DIAPH2: variants seen among roughly 807,000 people sequenced by gnomAD.
DIAPH2 encodes protein diaphanous homolog 2.
DIAPH2 carries 35 observed loss-of-function variants against 92.7 expected under a neutral mutation model. The observed-to-expected ratio is 0.38, with a 90% CI of 0.29 to 0.50. DIAPH2 has a LOEUF of 0.50. Among genes scored for constraint, DIAPH2 ranks in the 20% least tolerant of loss-of-function variants. The pLI, the probability that DIAPH2 is intolerant of heterozygous loss-of-function variation, is 0.94. For synonymous variants in DIAPH2, 301 were observed against 280.4 expected, an observed-to-expected ratio of 1.07 and a Z score of -0.73; for missense variants, 701 against 819.5, an observed-to-expected ratio of 0.86 and a Z score of 1.77.
At position 97,600,042 on chromosome X, in the gene DIAPH2, T is replaced by C. The variant is rs948610337; in HGVS notation, c.*725T>C. Reference sequence around the variant, plus strand: ...TTAGGGAAAGTGATTTAAACTTTATTTAAAGAGGTATTTTCTAATTATGCA... The same window carrying C: ...TTAGGGAAAGTGATTTAAACTTTATCTAAAGAGGTATTTTCTAATTATGCA... On this transcript the variant is annotated 3_prime_UTR_variant, in exon 27 of 27. Transcript: ENST00000324765. The C allele has an allele frequency of 7.1e-5, 8 of 112,771 alleles. No homozygotes were observed. Among genetic ancestry groups the C allele is most frequent in the African/African-American group, 2.6e-4 (8 of 31,057 alleles). The allele number at this position is 112,771 out of a possible 1,213,427, so 9.3% of individuals were successfully genotyped here.
intron 16 of DIAPH2, among the ~76,000 whole-genome samples, chrX:96,963,960 C>A (rs996209765): frequency 9.1e-6 from 1 of 110,306 alleles, no homozygotes; most frequent in Non-Finnish European, 1.9e-5. Context: ...TATTGATATA[C>A]CTTAATTTTT....
At chrX:96,772,170 GAACA>G (rs955901933) in intron 4 of DIAPH2, among the ~76,000 whole-genome samples, 1 of 112,159 alleles carries the variant, frequency 8.9e-6, no homozygotes, top group African/African-American at 3.2e-5. Context: ...CTGTTTGGTT[GAACA>G]AACATTAGTT....
At chrX:97,442,764 C>T (rs2070272402) in intron 26 of DIAPH2, 2 of 112,156 alleles carry the variant, frequency 1.8e-5, no homozygotes. Flanking sequence ...GAACCTTACT[C>T]CTGGTAGTTC....
intron 25 of DIAPH2, among the ~76,000 whole-genome samples, chrX:97,403,593 G>A (rs1363798724): frequency 8.9e-6 from 1 of 111,999 alleles, no homozygotes; most frequent in Non-Finnish European, 1.9e-5. Flanking sequence ...TATAAGTAAT[G>A]TAATAGGACT....
At chrX:97,420,435 T>C (rs757435612) in intron 25 of DIAPH2, among the ~76,000 whole-genome samples, 7 of 111,713 alleles carry the variant, frequency 6.3e-5, no homozygotes, top group Non-Finnish European at 9.4e-5. Flanking sequence ...TAATACAGTA[T>C]TTATTCCATG....
At chrX:97,190,720 G>A (rs1184014252) in intron 22 of DIAPH2, among the ~76,000 whole-genome samples, 1 of 108,898 alleles carries the variant, frequency 9.2e-6, no homozygotes. Context: ...GGTGTCAGGC[G>A]CCTGTAATCC....
intron 4 of DIAPH2, among the ~76,000 whole-genome samples, chrX:96,780,466 A>G (rs1363230240): frequency 9.0e-6 from 1 of 111,016 alleles, no homozygotes; most frequent in Admixed American, 9.6e-5. Context: ...TCAGGGTTTT[A>G]TTTTTTTATT....
chrX:97,549,844 CT>C (rs1293469545), intron 26 of DIAPH2, among the ~76,000 whole-genome samples: 6 of 111,860 alleles, frequency 5.4e-5, no homozygotes, highest in African/African-American at 1.6e-4. Flanking sequence ...GATAATTTAC[CT>C]GTACTCTTTA....
chrX:97,498,184 T>C (rs952554924), intron 26 of DIAPH2, among the ~76,000 whole-genome samples: 2 of 111,776 alleles, frequency 1.8e-5, no homozygotes, highest in Non-Finnish European at 3.8e-5. Flanking sequence ...AGCTACTGCA[T>C]TTTTATTTTT....
intron 4 of DIAPH2, among the ~76,000 whole-genome samples, chrX:96,776,037 G>C (rs971688414): frequency 9.0e-6 from 1 of 111,272 alleles, no homozygotes; most frequent in African/African-American, 3.3e-5. Flanking sequence ...TATAAACTTT[G>C]TAAAAGCTGA....
chrX:96,827,220 G>T (rs1415283234), intron 4 of DIAPH2, among the ~76,000 whole-genome samples: 1 of 111,858 alleles, frequency 8.9e-6, no homozygotes, highest in Non-Finnish European at 1.9e-5. Context: ...GTTGAGCCTA[G>T]ATTAGATCAT....
At chrX:97,553,551 T>C (rs1263610833) in intron 26 of DIAPH2, among the ~76,000 whole-genome samples, 2 of 110,392 alleles carry the variant, frequency 1.8e-5, no homozygotes, top group Non-Finnish European at 1.9e-5. Context: ...GAGGGAAAAG[T>C]ATTCAAGTCC....
Position 97,601,103 on chromosome X carries a change from A to AAAG in DIAPH2, c.*1787_*1789dup, listed in dbSNP as rs1298660169. ...GTAACACTGTTTTTTAACAACAACA[A>AAAG]AAGTTTAGGTTCTAATTTATGTAAA... On this transcript the variant is annotated 3_prime_UTR_variant, in exon 27 of 27. Coordinates refer to ENST00000324765, the MANE Select transcript of DIAPH2 (RefSeq NM_006729.5). 2 of 112,552 alleles carry AAAG rather than the reference A, an allele frequency of 1.8e-5. No individual in the cohort carries two copies. Among genetic ancestry groups the AAAG allele is most frequent in the South Asian group, 3.7e-4 (1 of 2,727 alleles). 9.3% of individuals were successfully genotyped at this position (112,552 alleles called of 1,213,427 possible).
At chrX:96,996,003 C>T (rs12012044) in intron 17 of DIAPH2, among the ~76,000 whole-genome samples, 3 of 110,753 alleles carry the variant, frequency 2.7e-5, no homozygotes, top group African/African-American at 9.8e-5. Context: ...TATTTACACC[C>T]TAGATTTCTA....
intron 23 of DIAPH2, among the ~76,000 whole-genome samples, chrX:97,312,602 G>A (rs987123675): frequency 6.3e-5 from 7 of 110,989 alleles, no homozygotes; most frequent in African/African-American, 1.3e-4. Flanking sequence ...TGCCGCCTCA[G>A]CCCTCCAAAG....
At chrX:96,969,306 A>G (rs746913483) in intron 17 of DIAPH2, among the ~76,000 whole-genome samples, 7 of 111,430 alleles carry the variant, frequency 6.3e-5, no homozygotes, top group Admixed American at 2.9e-4. Flanking sequence ...TTGAATCTGT[A>G]AATTGCTTTG....
intron 26 of DIAPH2, among the ~76,000 whole-genome samples, chrX:97,530,913 T>C (rs1280172321): frequency 1.8e-5 from 2 of 111,185 alleles, no homozygotes; most frequent in South Asian, 3.9e-4. Context: ...CCTTTGGATA[T>C]AGTAACAAGG....
chrX:97,423,277 T>C lies in DIAPH2; in HGVS notation c.3146-6373T>C, dbSNP rs567194758. On this transcript the variant is annotated intron_variant, in intron 25 of 26. Coordinates refer to ENST00000324765, the MANE Select transcript of DIAPH2 (RefSeq NM_006729.5). ...AGGTTGTTTTCTGTAAAAACATCCT[T>C]GAAAAGATAGTACAGAAAAAGGCCA... 6.9e-4 allele frequency among the ~76,000 whole-genome samples: 77 copies of C among 111,432 alleles called. No individual in the cohort carries two copies. The Middle Eastern group carries it at 0.028, about 40-fold the overall frequency.
At chrX:97,427,371 T>C (rs2070078131) in intron 25 of DIAPH2, among the ~76,000 whole-genome samples, 1 of 111,550 alleles carries the variant, frequency 9.0e-6, no homozygotes, top group Non-Finnish European at 1.9e-5. Context: ...TCCTAGTTCA[T>C]TTCAACTTCT....
Sources: allele counts gnomAD v4.1 joint callset (sites outside exome capture counted in the v4.1 genomes callset), GRCh38; gene constraint gnomAD v4.1.1; transcripts MANE v1.5; gene names NCBI Gene and HGNC (gene_info 2026-07-23, HGNC 2026-07-21).